The following POM121C variants were observed in gnomAD, a reference collection of about 807,000 sequenced individuals.
The protein encoded by POM121C is nuclear envelope pore membrane protein POM 121C.
A neutral mutation model predicts 66.4 loss-of-function variants in POM121C; 20 were observed. The observed-to-expected ratio is 0.30, with a 90% CI of 0.21 to 0.44. The LOEUF (loss-of-function observed/expected upper bound fraction) is 0.44. POM121C is among the 20% of genes least tolerant of loss of function. The pLI is 1.00. For synonymous variants in POM121C, 286 were observed against 528.0 expected (o/e 0.54, Z 6.28); for missense variants, 580 against 1,225.7 (o/e 0.47, Z 7.87).
intron 8 of POM121C, among the ~76,000 whole-genome samples, chr7:75,426,149 GAGGCGAC>G (rs1178271344): frequency 2.1e-5 from 3 of 146,102 alleles, no homozygotes; most frequent in African/African-American, 7.5e-5. Flanking sequence ...GCTGGAGTGG[GAGGCGAC>G]AGCCAGAGGC....
chr7:75,460,308 G>C lies in POM121C; in HGVS notation c.-152+14396C>G, dbSNP rs587726884. ...AGGAGTTTGAGACCAGCCTGGGCATGATAGCGAGACCCCATCTCCACAAAA... is the reference window on the plus strand; with the variant it reads ...AGGAGTTTGAGACCAGCCTGGGCATCATAGCGAGACCCCATCTCCACAAAA... On this transcript the variant is annotated intron_variant, in intron 3 of 14. Coordinates refer to ENST00000615331, the MANE Select transcript of POM121C (RefSeq NM_001099415.3). Among the ~76,000 whole-genome samples the C allele has an allele frequency of 2.1e-3, 306 of 149,252 alleles. 2 individuals carry two copies. The highest frequency in any genetic ancestry group is 7.4e-3 in the African/African-American group (290 of 39,162).
At chr7:75,438,089 T>G (rs1364313604) in intron 6 of POM121C, among the ~76,000 whole-genome samples, 1 of 152,124 alleles carries the variant, frequency 6.6e-6, no homozygotes, top group Non-Finnish European at 1.5e-5. Flanking sequence ...AGTACAGTTA[T>G]GTCAATTATA....
chr7:75,431,073 T>TC (rs1280554694), intron 7 of POM121C, among the ~76,000 whole-genome samples: 5 of 24,604 alleles, frequency 2.0e-4, no homozygotes, highest in African/African-American at 9.8e-4. Context: ...AGACTCTGTC[T>TC]CAAAAAAAAA....
intron 7 of POM121C, among the ~76,000 whole-genome samples, chr7:75,436,221 ATCTG>A (rs1183768745): frequency 7.9e-5 from 12 of 152,162 alleles, no homozygotes; most frequent in Admixed American, 3.9e-4. Context: ...TTTCTAGAGG[ATCTG>A]TCTATCTTAT....
At chr7:75,430,257 A>C (rs1790113322) in intron 7 of POM121C, among the ~76,000 whole-genome samples, 2 of 152,222 alleles carry the variant, frequency 1.3e-5, no homozygotes, top group South Asian at 4.1e-4. Context: ...TGACTCTATC[A>C]AGACTTAAAG....
intron 3 of POM121C, among the ~76,000 whole-genome samples, chr7:75,450,616 T>C (rs1554475448): frequency 6.6e-6 from 1 of 152,238 alleles, no homozygotes; most frequent in African/African-American, 2.4e-5. Flanking sequence ...AGGAAATCTC[T>C]TATCAAAATG....
chr7:75,474,568 T>C (rs1200599857), intron 3 of POM121C, 136 bp downstream of exon 3: 4 of 441,474 alleles, frequency 9.1e-6, no homozygotes, highest in African/African-American at 6.2e-5. Flanking sequence ...AGTTCATGTA[T>C]GTGTGCGGGA....
chr7:75,432,681 G>A (rs781930949), intron 7 of POM121C, among the ~76,000 whole-genome samples: 1 of 152,104 alleles, frequency 6.6e-6, no homozygotes, highest in Non-Finnish European at 1.5e-5. Context: ...CAAATTACAC[G>A]ATACAAAATG....
chr7:75,465,728 G>C (rs587641617), intron 3 of POM121C, among the ~76,000 whole-genome samples: 10 of 148,706 alleles, frequency 6.7e-5, no homozygotes, highest in Admixed American at 5.4e-4. Flanking sequence ...ACTCCAGCCT[G>C]GGCCACAGAG....
intron 3 of POM121C, among the ~76,000 whole-genome samples, chr7:75,448,877 G>A (rs1790926915): frequency 6.7e-6 from 1 of 149,860 alleles, no homozygotes; most frequent in East Asian, 2.0e-4. Flanking sequence ...AATGAATGCT[G>A]AATCAAGAAA....
At chr7:75,465,752 CA>C (rs1172095677) in intron 3 of POM121C, among the ~76,000 whole-genome samples, 2,090 of 84,216 alleles carry the variant, frequency 0.025, 42 homozygotes, top group African/African-American at 0.074. Context: ...GACTCCATCT[CA>C]AAAAAAAAAA....
At chr7:75,441,222 C>A in intron 4 of POM121C, 107 bp from the exon 5 acceptor site, 2 of 1,515,278 alleles carry the variant, frequency 1.3e-6, no homozygotes, top group Middle Eastern at 1.8e-4. Context: ...TTTATACACT[C>A]ACAACAGTTC....
intron 3 of POM121C, among the ~76,000 whole-genome samples, chr7:75,451,926 G>A (rs1791036159): frequency 6.7e-6 from 1 of 149,620 alleles, no homozygotes; most frequent in African/African-American, 2.5e-5. Context: ...CAGCACTTTG[G>A]GAGGCCAAGG....
intron 7 of POM121C, among the ~76,000 whole-genome samples, chr7:75,436,668 A>G (rs781878141): frequency 1.3e-5 from 2 of 152,194 alleles, no homozygotes; most frequent in African/African-American, 2.4e-5. Flanking sequence ...CAGCCACTGT[A>G]ATAGGTGCTT....
chr7:75,448,799 T>C lies in POM121C; in HGVS notation c.-151-7152A>G, dbSNP rs151036112. On this transcript the variant is annotated intron_variant, in intron 3 of 14. Transcript: ENST00000615331. ...TGGGCAACAAGAGTGAAACTCTGTC[T>C]CAAAAAAAAAAAACCAAATAATTAT... Among the ~76,000 whole-genome samples, 872 of 149,874 alleles carry C rather than the reference T, an allele frequency of 5.8e-3. 19 individuals are homozygous for C. The highest frequency in any genetic ancestry group is 0.041 in the East Asian group (207 of 5,016).
chr7:75,424,412 T>A, intron 11 of POM121C, 114 bp downstream of exon 11: 1 of 1,463,300 alleles, frequency 6.8e-7, no homozygotes, highest in South Asian at 1.2e-5. Context: ...CAAGAAAACA[T>A]GGAACTCTAC....
chr7:75,442,053 T>C, intron 3 of POM121C: 2 of 1,262,680 alleles, frequency 1.6e-6, no homozygotes, highest in Non-Finnish European at 2.1e-6. Context: ...CCCTTCGGAT[T>C]TGATGAAAAT....
intron 3 of POM121C, among the ~76,000 whole-genome samples, chr7:75,450,205 T>C (rs1790975416): frequency 1.3e-5 from 2 of 152,182 alleles, no homozygotes. Context: ...GTTGAAGCCA[T>C]GGTCTGTGGC....
intron 3 of POM121C, among the ~76,000 whole-genome samples, chr7:75,450,402 T>A (rs1790982360): frequency 6.6e-6 from 1 of 152,154 alleles, no homozygotes; most frequent in Non-Finnish European, 1.5e-5. Context: ...AGCAGGGCAG[T>A]CACAAGCACT....
Sources: allele counts gnomAD v4.1 joint callset (sites outside exome capture counted in the v4.1 genomes callset), GRCh38; gene constraint gnomAD v4.1.1; transcripts MANE v1.5; gene names NCBI Gene and HGNC (gene_info 2026-07-23, HGNC 2026-07-21).